Variants in SNX29 observed in about 807,000 individuals in gnomAD.
SNX29 encodes the protein sorting nexin-29.
In SNX29, 78 loss-of-function variants were observed where a neutral mutation model predicts 102.1. That is an observed-to-expected ratio of 0.76 (90% CI 0.64 to 0.92). SNX29 has a LOEUF of 0.92. SNX29 is among the 40% of genes least tolerant of loss of function. The pLI is 0.00. For missense variants in SNX29, 1,280 were observed against 1,061.7 expected, an observed-to-expected ratio of 1.21 and a Z score of -2.86; for synonymous variants, 580 against 414.5, an observed-to-expected ratio of 1.40 and a Z score of -4.85.
Position 12,571,851 on chromosome 16 carries a change from G to C in SNX29, c.*3222G>C, listed in dbSNP as rs529346804. The stretch of plus-strand genomic sequence containing the variant: ...CCACTTAGCAGTATGCTCCAATCAC[G>C]TTGCTGGCAAGGCATTTTAGAGTTT... On this transcript the variant is annotated 3_prime_UTR_variant, in exon 21 of 21. Transcript: ENST00000566228. 3 of 1,058,758 alleles carry C rather than the reference G, an allele frequency of 2.8e-6. No individual in the cohort carries two copies. The highest frequency in any genetic ancestry group is 1.0e-4 in the East Asian group (2 of 19,574). The allele number at this position is 1,058,758 out of a possible 1,614,324, so 65.6% of individuals were successfully genotyped here. A position where few individuals can be genotyped will look rare whatever the true frequency, so the allele number is the denominator to read the frequency against.
chr16:12,497,799 G>C (rs544857545), intron 19 of SNX29, among the ~76,000 whole-genome samples: 1 of 152,294 alleles, frequency 6.6e-6, no homozygotes, highest in South Asian at 2.1e-4. Context: ...AGAGCATATT[G>C]TTTTCCCAGT....
intron 4 of SNX29, among the ~76,000 whole-genome samples, chr16:12,031,088 T>C (rs761479363): frequency 6.6e-6 from 1 of 152,026 alleles, no homozygotes; most frequent in African/African-American, 2.4e-5. Context: ...TTTTTTTTTT[T>C]CTGAGACAAT....
chr16:12,418,239 C>G (rs1024222810), intron 18 of SNX29, among the ~76,000 whole-genome samples: 6 of 152,296 alleles, frequency 3.9e-5, no homozygotes, highest in Non-Finnish European at 8.8e-5. Flanking sequence ...CTAAATACCA[C>G]TTTTCACCAA....
intron 20 of SNX29, among the ~76,000 whole-genome samples, chr16:12,549,398 G>T (rs893131822): frequency 1.3e-5 from 2 of 152,212 alleles, no homozygotes; most frequent in African/African-American, 4.8e-5. Flanking sequence ...AGAAGGCTGA[G>T]GCAGGAGAAT....
At chr16:12,212,005 C>G (rs1348871381) in intron 14 of SNX29, among the ~76,000 whole-genome samples, 1 of 151,986 alleles carries the variant, frequency 6.6e-6, no homozygotes, top group Admixed American at 6.6e-5. Flanking sequence ...AGATTCCTAC[C>G]CAGATCTGTC....
intron 20 of SNX29, among the ~76,000 whole-genome samples, chr16:12,556,699 C>G (rs977610350): frequency 1.3e-5 from 2 of 152,070 alleles, no homozygotes; most frequent in African/African-American, 2.4e-5. Flanking sequence ...AGGCAGAAGC[C>G]AAAGGCCAGT....
At chr16:12,320,968 A>G (rs1383483492) in intron 15 of SNX29, among the ~76,000 whole-genome samples, 1 of 152,210 alleles carries the variant, frequency 6.6e-6, no homozygotes. Context: ...GTTTTTCGTT[A>G]TCTGTCCATA....
intron 13 of SNX29, among the ~76,000 whole-genome samples, chr16:12,196,406 T>C (rs1238219107): frequency 1.3e-5 from 2 of 152,190 alleles, no homozygotes; most frequent in Non-Finnish European, 2.9e-5. Flanking sequence ...CAGGTGTTCA[T>C]GTGTTGCAGA....
chr16:12,476,429 T>A (rs1372140876), intron 18 of SNX29, among the ~76,000 whole-genome samples: 4 of 88,574 alleles, frequency 4.5e-5, no homozygotes, highest in Non-Finnish European at 8.4e-5. Flanking sequence ...TATATATATA[T>A]ATATATATAT....
intron 15 of SNX29, among the ~76,000 whole-genome samples, chr16:12,330,972 T>C (rs953704273): frequency 6.6e-6 from 1 of 152,260 alleles, no homozygotes; most frequent in Non-Finnish European, 1.5e-5. Flanking sequence ...GAAGGCTTCC[T>C]TGACTGTTGT....
At chr16:12,413,167 A>T (rs2084476004) in intron 18 of SNX29, among the ~76,000 whole-genome samples, 1 of 152,152 alleles carries the variant, frequency 6.6e-6, no homozygotes, top group Non-Finnish European at 1.5e-5. Context: ...GGCAAGGTTC[A>T]TCTCATTAGC....
intron 19 of SNX29, among the ~76,000 whole-genome samples, chr16:12,489,072 A>T (rs940665797): frequency 6.6e-6 from 1 of 152,154 alleles, no homozygotes; most frequent in Admixed American, 6.5e-5. Flanking sequence ...CCCGTATTCT[A>T]TCTGCTTTTG....
chr16:12,460,303 T>C (rs902835307), intron 18 of SNX29, among the ~76,000 whole-genome samples: 1 of 152,234 alleles, frequency 6.6e-6, no homozygotes, highest in African/African-American at 2.4e-5. Context: ...GTGATTTCTT[T>C]AGTATTTTCA....
rs192801335 is a variant in SNX29 at position 12,555,871 on chromosome 16, G to C, written c.2319-12635G>C. Among the ~76,000 whole-genome samples the C allele has an allele frequency of 2.9e-3, 439 of 152,152 alleles. 1 individual carries two copies. Among genetic ancestry groups the C allele is most frequent in the African/African-American group, 0.01 (430 of 41,452 alleles). ...CACCACCTCCATCATTTTCTCCAGA[G>C]GCCGTGCTTTCTGCCCTCCTGTTCT... On this transcript the variant is annotated intron_variant, in intron 20 of 20. Coordinates refer to ENST00000566228, the MANE Select transcript of SNX29 (RefSeq NM_032167.5).
At chr16:12,139,193 TAAAAAAAAAAAA>T (rs34808071) in intron 13 of SNX29, among the ~76,000 whole-genome samples, 8 of 66,134 alleles carry the variant, frequency 1.2e-4, no homozygotes, top group Admixed American at 1.9e-4. Flanking sequence ...AGCGAGACTC[TAAAAAAAAAAAA>T]AAAAAAAAAA....
chr16:12,529,428 C>T (rs1008864900), intron 20 of SNX29, among the ~76,000 whole-genome samples: 1 of 152,154 alleles, frequency 6.6e-6, no homozygotes, highest in Non-Finnish European at 1.5e-5. Context: ...GGCTCGGACT[C>T]CAAGAATTCG....
intron 20 of SNX29, among the ~76,000 whole-genome samples, chr16:12,537,595 A>C (rs1043154433): frequency 5.3e-5 from 8 of 152,170 alleles, no homozygotes; most frequent in Admixed American, 2.0e-4. Flanking sequence ...TCTTTGTTCA[A>C]ACTCTCACTT....
At chr16:12,382,069 A>ACCACCCCTG (rs2151434189) in intron 16 of SNX29, among the ~76,000 whole-genome samples, 1 of 152,128 alleles carries the variant, frequency 6.6e-6, no homozygotes, top group East Asian at 1.9e-4. Flanking sequence ...ATCTGAAATG[A>ACCACCCCTG]CCACCCCTGC....
At chr16:12,198,452 A>T (rs2076833099) in intron 13 of SNX29, among the ~76,000 whole-genome samples, 1 of 152,150 alleles carries the variant, frequency 6.6e-6, no homozygotes, top group African/African-American at 2.4e-5. Flanking sequence ...TTTTGCAATG[A>T]GCATTTTTTA....
Sources: allele counts gnomAD v4.1 joint callset (sites outside exome capture counted in the v4.1 genomes callset), GRCh38; gene constraint gnomAD v4.1.1; transcripts MANE v1.5; gene names NCBI Gene and HGNC (gene_info 2026-07-23, HGNC 2026-07-21).